Variants in ZBTB7C observed in about 807,000 individuals in gnomAD.
ZBTB7C encodes zinc finger and BTB domain containing 7C.
In ZBTB7C, 8 loss-of-function variants were observed where a neutral mutation model predicts 25.7. The ratio of observed to expected loss-of-function variants is 0.31; its 90% CI spans 0.18 to 0.56. ZBTB7C has a LOEUF of 0.56. ZBTB7C is among the 20% of genes least tolerant of loss of function. ZBTB7C has a pLI of 0.91. For missense variants in ZBTB7C, 824 were observed against 855.2 expected (o/e 0.96, Z 0.46); for synonymous variants, 394 against 369.0 (o/e 1.07, Z -0.78).
At chr18:48,062,926 G>A (rs955029741) in intron 3 of ZBTB7C, among the ~76,000 whole-genome samples, 5 of 152,196 alleles carry the variant, frequency 3.3e-5, no homozygotes, top group African/African-American at 1.2e-4. Flanking sequence ...TGACTGCGCT[G>A]GAACCCGCAT....
At position 48,027,572 on chromosome 18, in the gene ZBTB7C, C is replaced by T. The variant is rs2035566674; in HGVS notation, c.*1688G>A. On this transcript the variant is annotated 3_prime_UTR_variant, in exon 5 of 5. Transcript: ENST00000590800. ...GTAGCAATCCTGCTGGCTGGAGTGG[C>T]ATCCGGTGGTGTGAAGAATCAGGGG... 6.6e-6 allele frequency: 1 copy of T among 152,252 alleles called. No individual in the cohort carries two copies. Among genetic ancestry groups the T allele is most frequent in the Non-Finnish European group, 1.5e-5 (1 of 68,084 alleles). The allele number at this position is 152,252 out of a possible 1,614,324, so 9.4% of individuals were successfully genotyped here.
At position 48,226,108 on chromosome 18, in the gene ZBTB7C, A is replaced by C. The variant is rs192861308; in HGVS notation, c.-78-40113T>G. On this transcript the variant is annotated intron_variant, in intron 2 of 4. Coordinates refer to ENST00000590800, the MANE Select transcript of ZBTB7C (RefSeq NM_001318841.2). ...AAGCCCCGTCATCTCAGACTGTTCC[A>C]GCTGAACAAAGACATGAGAGCAAAC... is the stretch of plus-strand genomic sequence containing the variant. Among the ~76,000 whole-genome samples, 202 of 152,356 alleles carry C rather than the reference A, an allele frequency of 1.3e-3. 1 individual carries two copies. Among genetic ancestry groups the C allele is most frequent in the African/African-American group, 4.7e-3 (194 of 41,584 alleles).
chr18:48,059,389 A>C (rs1446450039), intron 3 of ZBTB7C, among the ~76,000 whole-genome samples: 3 of 152,146 alleles, frequency 2.0e-5, no homozygotes, highest in Non-Finnish European at 2.9e-5. Flanking sequence ...GCACACACAC[A>C]TGCTTCTGGT....
chr18:48,385,211 T>C (rs1373076451), intron 1 of ZBTB7C, among the ~76,000 whole-genome samples: 1 of 152,176 alleles, frequency 6.6e-6, no homozygotes, highest in Admixed American at 6.5e-5. Context: ...CATATGATAT[T>C]TTGTATATAC....
intron 2 of ZBTB7C, among the ~76,000 whole-genome samples, chr18:48,220,192 G>A (rs576710180): frequency 1.3e-5 from 2 of 152,294 alleles, no homozygotes; most frequent in South Asian, 4.1e-4. Context: ...GCAGAGCACA[G>A]TTCAGTTCAC....
chr18:48,205,182 T>C (rs17822004), intron 2 of ZBTB7C, among the ~76,000 whole-genome samples: 20,998 of 151,988 alleles, frequency 0.14, 1,682 homozygotes, highest in Non-Finnish European at 0.19. Context: ...TCTAACCCCT[T>C]AGTTTACAGT....
chr18:48,406,256 G>A (rs750593219), intron 1 of ZBTB7C, among the ~76,000 whole-genome samples: 1 of 152,048 alleles, frequency 6.6e-6, no homozygotes, highest in African/African-American at 2.4e-5. Context: ...ATGCCCTGGT[G>A]ACAGCCTCCA....
chr18:48,264,393 CTG>C (rs5824740), intron 2 of ZBTB7C, among the ~76,000 whole-genome samples: 26,452 of 152,128 alleles, frequency 0.17, 2,490 homozygotes, highest in Admixed American at 0.24. Context: ...ACAGCTGGCT[CTG>C]TGTCACTGCA....
At chr18:48,344,479 C>T (rs918906827) in intron 1 of ZBTB7C, among the ~76,000 whole-genome samples, 4 of 151,682 alleles carry the variant, frequency 2.6e-5, no homozygotes, top group Admixed American at 6.6e-5. Context: ...GAGTGGAGGA[C>T]GTCCTGGCAC....
chr18:48,174,357 T>C (rs2041598309), intron 3 of ZBTB7C, among the ~76,000 whole-genome samples: 1 of 152,184 alleles, frequency 6.6e-6, no homozygotes, highest in Non-Finnish European at 1.5e-5. Flanking sequence ...ACTTCACTCA[T>C]AATAAAAAAA....
At chr18:48,037,728 G>A (rs1000807694) in intron 4 of ZBTB7C, among the ~76,000 whole-genome samples, 9 of 152,224 alleles carry the variant, frequency 5.9e-5, no homozygotes, top group African/African-American at 2.2e-4. Flanking sequence ...GGTCTCCCCT[G>A]AAGGGAGAGG....
intron 2 of ZBTB7C, among the ~76,000 whole-genome samples, chr18:48,308,142 G>T (rs2045721311): frequency 6.6e-6 from 1 of 152,092 alleles, no homozygotes; most frequent in South Asian, 2.1e-4. Flanking sequence ...TGTCAGCCAT[G>T]CAAGGCCATC....
At chr18:48,294,416 T>A (rs759550591) in intron 2 of ZBTB7C, among the ~76,000 whole-genome samples, 9 of 151,548 alleles carry the variant, frequency 5.9e-5, no homozygotes, top group Non-Finnish European at 1.3e-4. Flanking sequence ...GCTCCCATTA[T>A]AACACAAGCC....
At chr18:48,178,274 G>A (rs1442810246) in intron 3 of ZBTB7C, among the ~76,000 whole-genome samples, 9 of 152,154 alleles carry the variant, frequency 5.9e-5, no homozygotes, top group Non-Finnish European at 8.8e-5. Context: ...TTGTCTGCAC[G>A]GGAGGCCCCA....
intron 2 of ZBTB7C, among the ~76,000 whole-genome samples, chr18:48,214,363 G>C (rs2042774715): frequency 1.3e-5 from 2 of 152,122 alleles, no homozygotes; most frequent in Non-Finnish European, 2.9e-5. Context: ...AACTATGCTA[G>C]GTCCCTCATA....
intron 3 of ZBTB7C, chr18:48,148,795 T>C (rs2040575887): frequency 6.6e-6 from 1 of 152,236 alleles, no homozygotes. Flanking sequence ...ATTACCATTC[T>C]TGCTGCACTT....
At position 48,384,572 on chromosome 18, in the gene ZBTB7C, C is replaced by T. The variant is rs563614995; in HGVS notation, c.-304+24654G>A. ...CAACCCACAGCCTGTGGGCTACATG[C>T]GCTTTGAATGCAGCCCTACACAAAT... On this transcript the variant is annotated intron_variant, in intron 1 of 4. Coordinates refer to ENST00000590800, the MANE Select transcript of ZBTB7C (RefSeq NM_001318841.2). 4.1e-3 allele frequency among the ~76,000 whole-genome samples: 617 copies of T among 152,284 alleles called. 2 individuals carry two copies. Among genetic ancestry groups the T allele is most frequent in the African/African-American group, 0.013 (527 of 41,544 alleles).
upstream of ZBTB7C, among the ~76,000 whole-genome samples, chr18:48,412,042 T>TA (rs1420195708): frequency 1.3e-5 from 2 of 152,230 alleles, no homozygotes; most frequent in Non-Finnish European, 2.9e-5. Context: ...TTCAACTCTC[T>TA]AAAGCCTCCA....
At chr18:48,049,609 A>G (rs954237299) in intron 3 of ZBTB7C, among the ~76,000 whole-genome samples, 3 of 151,972 alleles carry the variant, frequency 2.0e-5, no homozygotes, top group African/African-American at 7.3e-5. Flanking sequence ...ACAGAGCCCT[A>G]TCATTCATAA....
Sources: gnomAD v4.1 joint callset for allele counts (sites outside exome capture counted in the v4.1 genomes callset) on GRCh38, gnomAD v4.1.1 for gene constraint, MANE v1.5 for transcripts, NCBI Gene and HGNC (gene_info 2026-07-23, HGNC 2026-07-21) for gene names.